WDSUB1: variants seen among roughly 807,000 people sequenced by gnomAD.
The protein encoded by WDSUB1 is WD repeat, SAM and U-box domain-containing protein 1.
WDSUB1 carries 49 observed loss-of-function variants against 53.9 expected under a neutral mutation model. That is an observed-to-expected ratio of 0.91 (90% confidence interval 0.72 to 1.15). WDSUB1 has a LOEUF of 1.15. WDSUB1 is among the 50% of genes most tolerant of loss of function. WDSUB1 has a pLI of 0.00. For synonymous variants in WDSUB1, 194 were observed against 200.6 expected (o/e 0.97, Z 0.28); for missense variants, 514 against 562.0 (o/e 0.91, Z 0.86).
At chr2:159,258,567 G>A (rs559869924) in intron 6 of WDSUB1, among the ~76,000 whole-genome samples, 1 of 152,288 alleles carries the variant, frequency 6.6e-6, no homozygotes, top group African/African-American at 2.4e-5. Flanking sequence ...GCTAAGGCAG[G>A]AGAATTGCTT....
chr2:159,280,023 T>C, intron 2 of WDSUB1, 78 bp from the exon 3 acceptor site: 1 of 1,332,094 alleles, frequency 7.5e-7, no homozygotes, highest in East Asian at 2.5e-5. Flanking sequence ...AGCAGCTTGA[T>C]ACAGTGAAAA....
chr2:159,269,808 C>T (rs990766778), intron 5 of WDSUB1, among the ~76,000 whole-genome samples: 2 of 152,076 alleles, frequency 1.3e-5, no homozygotes, highest in African/African-American at 4.8e-5. Context: ...TGATGAAATA[C>T]AATACCCTTG....
rs748659247 is a variant in WDSUB1, at chr2:159,282,768, C to T, written c.302G>A (p.Arg101Lys). 1.7e-5 allele frequency: 27 copies of T among 1,614,084 alleles called. No homozygotes were observed. In the African/African-American group the frequency reaches 3.5e-4, roughly 21 times the overall value. ...GGAGTCTGGGGAAAACTGGCAAACC[C>T]TCACAGGGCTGCCACTAGGCTGTTC... ...VMEQPSGSPV[R>K]VCQFSPDSTC... The change falls in exon 2 of 11, where the codon AGG becomes AAG. Residue 101 changes from arginine to lysine, a missense_variant. Arg to Lys is a conservative substitution (Grantham distance 26). Coordinates refer to ENST00000359774, the MANE Select transcript of WDSUB1 (RefSeq NM_001128212.3).
chr2:159,243,705 G>T (rs1168811121), intron 10 of WDSUB1, among the ~76,000 whole-genome samples: 3 of 152,156 alleles, frequency 2.0e-5, no homozygotes, highest in Non-Finnish European at 4.4e-5. Context: ...CTGCTGGTGG[G>T]CATAGAAAGT....
chr2:159,239,895 C>T (rs940445314), intron 10 of WDSUB1, among the ~76,000 whole-genome samples: 1 of 152,194 alleles, frequency 6.6e-6, no homozygotes, highest in Admixed American at 6.5e-5. Flanking sequence ...CTTCTGTTTC[C>T]TCCGTCCTAG....
At chr2:159,256,149 T>C (rs1363672496) in intron 9 of WDSUB1, 47 bp downstream of exon 9, 3 of 1,541,528 alleles carry the variant, frequency 1.9e-6, no homozygotes, top group Non-Finnish European at 2.6e-6. Flanking sequence ...TGCAGAGTAA[T>C]TTGGTAAAAG....
chr2:159,241,733 G>A (rs1290983404), intron 10 of WDSUB1, among the ~76,000 whole-genome samples: 1 of 50,554 alleles, frequency 2.0e-5, no homozygotes. Flanking sequence ...TTTTTTTTGA[G>A]ATGGAGTCTC....
At chr2:159,280,708 A>AAAAAAAAAAAAAAAAAAAAAAAC (rs111752652) in intron 2 of WDSUB1, among the ~76,000 whole-genome samples, 26 of 134,334 alleles carry the variant, frequency 1.9e-4, no homozygotes, top group Middle Eastern at 3.8e-3. Context: ...AAAAAAAAAA[A>AAAAAAAAAAAAAAAAAAAAAAAC]ATTACCCAGA....
intron 10 of WDSUB1, among the ~76,000 whole-genome samples, chr2:159,245,579 G>A (rs2060776902): frequency 1.3e-5 from 2 of 151,700 alleles, no homozygotes. Context: ...AAGCACTGTG[G>A]TAACCGGCCC....
chr2:159,237,396 C>T (rs1290351754), intron 10 of WDSUB1, among the ~76,000 whole-genome samples: 1 of 152,096 alleles, frequency 6.6e-6, no homozygotes, highest in African/African-American at 2.4e-5. Context: ...TGGCAGGTGC[C>T]TGTAATTCCA....
At chr2:159,246,057 T>C (rs1393178074) in intron 10 of WDSUB1, among the ~76,000 whole-genome samples, 1 of 152,058 alleles carries the variant, frequency 6.6e-6, no homozygotes, top group Non-Finnish European at 1.5e-5. Flanking sequence ...AGATATAAAT[T>C]ACAGAAATGA....
intron 5 of WDSUB1, among the ~76,000 whole-genome samples, chr2:159,270,115 G>A (rs2061419678): frequency 6.6e-6 from 1 of 152,114 alleles, no homozygotes; most frequent in African/African-American, 2.4e-5. Context: ...TCCTAGGTAA[G>A]TCCAATTTAT....
chr2:159,247,914 T>TATAA (rs2060848290), intron 10 of WDSUB1, among the ~76,000 whole-genome samples: 1 of 65,800 alleles, frequency 1.5e-5, no homozygotes, highest in Non-Finnish European at 2.8e-5. Flanking sequence ...TATATAAATA[T>TATAA]ATATATATAT....
At chr2:159,247,925 A>ATT (rs2060850671) in intron 10 of WDSUB1, among the ~76,000 whole-genome samples, 1 of 70,774 alleles carries the variant, frequency 1.4e-5, no homozygotes, top group Non-Finnish European at 2.3e-5. Context: ...ATATATATAT[A>ATT]TAAATATATA....
intron 10 of WDSUB1, among the ~76,000 whole-genome samples, chr2:159,244,808 T>TGGTTCC (rs1017204697): frequency 6.6e-6 from 1 of 152,148 alleles, no homozygotes; most frequent in African/African-American, 2.4e-5. Flanking sequence ...TAGGTGTTTG[T>TGGTTCC]GGTTCCAGCT....
rs546619374 is a variant in WDSUB1 at position 159,267,148 on chromosome 2, T to C, written c.770+4554A>G. Among the ~76,000 whole-genome samples, 7 of 152,322 alleles carry C rather than the reference T, an allele frequency of 4.6e-5. No individual in the cohort carries two copies. In the South Asian group the frequency reaches 1.5e-3, roughly 32 times the overall value. ...TCCTTATTTATTTGAATGTTTATTA[T>C]ACATTTTGATCTACTCAAGAATTTC... is the stretch of plus-strand genomic sequence containing the variant. On this transcript the variant is annotated intron_variant, in intron 5 of 10. Coordinates refer to ENST00000359774, the MANE Select transcript of WDSUB1 (RefSeq NM_001128212.3).
intron 9 of WDSUB1, among the ~76,000 whole-genome samples, chr2:159,250,361 G>T (rs1479266073): frequency 6.6e-6 from 1 of 152,090 alleles, no homozygotes; most frequent in Non-Finnish European, 1.5e-5. Flanking sequence ...TTTACATGTT[G>T]AATATGATTT....
intron 5 of WDSUB1, among the ~76,000 whole-genome samples, chr2:159,269,099 C>T (rs564239342): frequency 7.3e-5 from 11 of 150,016 alleles, no homozygotes; most frequent in African/African-American, 2.7e-4. Flanking sequence ...AAGAAAGGAA[C>T]AGAGGCAATA....
chr2:159,283,220 A>C (rs2061712776), intron 1 of WDSUB1, 127 bp from the exon 2 acceptor site: 1 of 800,904 alleles, frequency 1.2e-6, no homozygotes, highest in Non-Finnish European at 1.9e-6. Context: ...ATTTTAAAGC[A>C]GTGGTCCCCA....
Sources: allele counts gnomAD v4.1 joint callset (sites outside exome capture counted in the v4.1 genomes callset), GRCh38; gene constraint gnomAD v4.1.1; transcripts MANE v1.5; gene names NCBI Gene and HGNC (gene_info 2026-07-23, HGNC 2026-07-21).